PPP2R2C: variants seen among roughly 807,000 people sequenced by gnomAD.
The protein encoded by PPP2R2C is protein phosphatase 2, regulatory subunit B, gamma.
In PPP2R2C, 10 loss-of-function variants were observed where a neutral mutation model predicts 45.3. The ratio of observed to expected loss-of-function variants is 0.22; its 90% CI spans 0.14 to 0.37. The LOEUF (loss-of-function observed/expected upper bound fraction) is 0.37. PPP2R2C is among the 10% of genes least tolerant of loss of function. PPP2R2C has a pLI of 1.00. For synonymous variants in PPP2R2C, 257 were observed against 245.4 expected, an observed-to-expected ratio of 1.05 and a Z score of -0.44; for missense variants, 308 against 619.7, an observed-to-expected ratio of 0.50 and a Z score of 5.34.
intron 2 of PPP2R2C, among the ~76,000 whole-genome samples, chr4:6,498,974 C>G (rs1315242634): frequency 6.6e-6 from 1 of 152,150 alleles, no homozygotes; most frequent in Non-Finnish European, 1.5e-5. Context: ...CCCTCTCCCT[C>G]TGGAACTTCA....
intron 3 of PPP2R2C, among the ~76,000 whole-genome samples, chr4:6,377,345 A>G (rs1446365567): frequency 6.6e-6 from 1 of 152,136 alleles, no homozygotes; most frequent in African/African-American, 2.4e-5. Flanking sequence ...CAAGGGAGGC[A>G]GGGCAGGGAC....
intron 1 of PPP2R2C, among the ~76,000 whole-genome samples, chr4:6,421,727 C>T (rs1718983966): frequency 1.1e-3 from 1 of 918 alleles, no homozygotes; most frequent in Non-Finnish European, 0.023. Context: ...ACTCGGAGGC[C>T]CAGCCTCCCT....
chr4:6,350,035 C>T (rs1712397293), intron 5 of PPP2R2C: 2 of 985,230 alleles, frequency 2.0e-6, no homozygotes, highest in African/African-American at 1.7e-5. Flanking sequence ...CCCGGAAGCA[C>T]GTCATTAACC....
rs548588192 is a variant in PPP2R2C at position 6,413,825 on chromosome 4, G to A, written c.71-32731C>T. On this transcript the variant is annotated intron_variant, in intron 1 of 8. Transcript: ENST00000382599. Reference sequence around the variant, plus strand: ...GCCACAGCTAGCAGAGGACTGTGCCGGGGCTCCCACTCAGGGCTGGCCAGC... The same window carrying A: ...GCCACAGCTAGCAGAGGACTGTGCCAGGGCTCCCACTCAGGGCTGGCCAGC... The A allele has an allele frequency of 5.0e-4, 757 of 1,512,584 alleles. 3 individuals carry two copies. The African/African-American group carries it at 9.5e-3, about 19-fold the overall frequency. 93.7% of individuals were successfully genotyped at this position (1,512,584 alleles called of 1,614,324 possible).
chr4:6,337,130 A>ATG (rs1228530231), intron 6 of PPP2R2C, among the ~76,000 whole-genome samples: 1 of 53,374 alleles, frequency 1.9e-5, no homozygotes, highest in Non-Finnish European at 3.6e-5. Context: ...ATATATATAT[A>ATG]TATATATATA....
intron 2 of PPP2R2C, among the ~76,000 whole-genome samples, chr4:6,478,836 C>G (rs1489820221): frequency 6.6e-6 from 1 of 152,258 alleles, no homozygotes; most frequent in Admixed American, 6.5e-5. Flanking sequence ...CCCCTGTTAT[C>G]TTCTTCCCGG....
intron 1 of PPP2R2C, among the ~76,000 whole-genome samples, chr4:6,540,601 T>C (rs1000197646): frequency 1.3e-5 from 2 of 152,242 alleles, no homozygotes; most frequent in Non-Finnish European, 2.9e-5. Context: ...AGGAGTAGAA[T>C]TGCTGGGTCA....
chr4:6,413,993 G>A, intron 1 of PPP2R2C: 2 of 1,535,026 alleles, frequency 1.3e-6, no homozygotes, highest in Non-Finnish European at 1.7e-6. Flanking sequence ...CTGCCATGTT[G>A]CCAGTCAATG....
chr4:6,511,483 G>A, intron 2 of PPP2R2C, among the ~76,000 whole-genome samples: 2 of 106,700 alleles, frequency 1.9e-5, no homozygotes, highest in African/African-American at 3.9e-5. Flanking sequence ...GGTGATGGCG[G>A]TGTTGGTGGT....
At chr4:6,536,096 T>C (rs556161351) in intron 1 of PPP2R2C, among the ~76,000 whole-genome samples, 10 of 152,054 alleles carry the variant, frequency 6.6e-5, no homozygotes, top group Non-Finnish European at 1.3e-4. Context: ...TCACTCTGTG[T>C]AGCCTGAGGA....
At chr4:6,461,149 G>A (rs571400634) in intron 1 of PPP2R2C, among the ~76,000 whole-genome samples, 1 of 152,210 alleles carries the variant, frequency 6.6e-6, no homozygotes, top group African/African-American at 2.4e-5. Flanking sequence ...CCAGGAAGGC[G>A]TCCCTGACCT....
intron 2 of PPP2R2C, among the ~76,000 whole-genome samples, chr4:6,522,541 G>T (rs913253682): frequency 6.6e-6 from 1 of 152,252 alleles, no homozygotes; most frequent in Non-Finnish European, 1.5e-5. Flanking sequence ...TTCCCCACAC[G>T]GGGATGGCAG....
intron 1 of PPP2R2C, among the ~76,000 whole-genome samples, chr4:6,410,873 AT>A (rs928560090): frequency 1.3e-5 from 2 of 148,796 alleles, no homozygotes; most frequent in Non-Finnish European, 3.0e-5. Context: ...TTATTTATTT[AT>A]TTATTTATTT....
chr4:6,455,433 C>T (rs1462301294), intron 1 of PPP2R2C, among the ~76,000 whole-genome samples: 1 of 152,168 alleles, frequency 6.6e-6, no homozygotes, highest in Non-Finnish European at 1.5e-5. Flanking sequence ...TCTGCACCCC[C>T]AGCCTTCTAG....
chr4:6,357,117 C>T (rs1034824379), intron 5 of PPP2R2C, among the ~76,000 whole-genome samples: 1 of 147,692 alleles, frequency 6.8e-6, no homozygotes, highest in African/African-American at 2.5e-5. Context: ...AGCCTCAAAT[C>T]CCCCTTTCAT....
chr4:6,452,061 T>A (rs1267869822), intron 1 of PPP2R2C, among the ~76,000 whole-genome samples: 1 of 152,040 alleles, frequency 6.6e-6, no homozygotes, highest in Non-Finnish European at 1.5e-5. Context: ...GCACCCCTCC[T>A]CTGCCCCAGA....
chr4:6,420,732 A>G (rs1435262140), intron 1 of PPP2R2C, among the ~76,000 whole-genome samples: 1 of 152,186 alleles, frequency 6.6e-6, no homozygotes, highest in Non-Finnish European at 1.5e-5. Context: ...GATGCCCAGT[A>G]AGAGGACTGG....
intron 5 of PPP2R2C, chr4:6,351,360 G>C: frequency 2.0e-6 from 2 of 981,822 alleles, no homozygotes; most frequent in Non-Finnish European, 2.4e-6. Flanking sequence ...AGTATGCAGG[G>C]CTCCATTAGG....
chr4:6,509,331 T>C (rs1723348332), intron 2 of PPP2R2C, among the ~76,000 whole-genome samples: 1 of 152,132 alleles, frequency 6.6e-6, no homozygotes, highest in South Asian at 2.1e-4. Context: ...ATCTCAGCAC[T>C]TCCCATAACC....
Sources: gnomAD v4.1 joint callset for allele counts (sites outside exome capture counted in the v4.1 genomes callset) on GRCh38, gnomAD v4.1.1 for gene constraint, MANE v1.5 for transcripts, NCBI Gene and HGNC (gene_info 2026-07-23, HGNC 2026-07-21) for gene names.